The following CSMD3 variants were observed in gnomAD, a reference collection of about 807,000 sequenced individuals.
CSMD3 encodes the protein CUB and Sushi multiple domains 3.
In CSMD3, 177 loss-of-function variants were observed where a neutral mutation model predicts 435.2. That is an observed-to-expected ratio of 0.41 (90% CI 0.36 to 0.46). CSMD3 has a LOEUF of 0.46. Ranked by LOEUF, CSMD3 falls within the 20% of genes least tolerant of loss-of-function variation. The probability of loss-of-function intolerance (pLI) is 0.34; values close to 1 mark genes in which losing one functional copy is unlikely to be tolerated. For missense variants in CSMD3, 4,265 were observed against 4,504.6 expected, an observed-to-expected ratio of 0.95 and a Z score of 1.52; for synonymous variants, 1,656 against 1,520.5, an observed-to-expected ratio of 1.09 and a Z score of -2.07.
chr8:112,735,833 C>T (rs1205942249), intron 13 of CSMD3, among the ~76,000 whole-genome samples: 1 of 151,886 alleles, frequency 6.6e-6, no homozygotes, highest in Non-Finnish European at 1.5e-5. Flanking sequence ...TTTTTATTGA[C>T]TTATCAATCC....
At chr8:112,361,277 C>T (rs1586875955) in intron 38 of CSMD3, among the ~76,000 whole-genome samples, 2 of 150,934 alleles carry the variant, frequency 1.3e-5, no homozygotes, top group East Asian at 3.9e-4. Context: ...GCTGTTGTAG[C>T]CAAAAAAAAG....
At chr8:112,348,291 C>T (rs578170491) in intron 40 of CSMD3, among the ~76,000 whole-genome samples, 7 of 151,968 alleles carry the variant, frequency 4.6e-5, no homozygotes, top group Non-Finnish European at 8.8e-5. Context: ...TAGGGACAAC[C>T]ATACCTTAGT....
At chr8:112,527,318 T>A (rs1457606045) in intron 27 of CSMD3, among the ~76,000 whole-genome samples, 2 of 151,266 alleles carry the variant, frequency 1.3e-5, no homozygotes, top group Admixed American at 6.6e-5. Flanking sequence ...CAAGGAAAAT[T>A]ACCAGAGAAA....
intron 13 of CSMD3, among the ~76,000 whole-genome samples, chr8:112,780,085 A>G (rs1046532921): frequency 6.6e-6 from 1 of 152,088 alleles, no homozygotes; most frequent in Non-Finnish European, 1.5e-5. Flanking sequence ...AGGGGAAAAC[A>G]CATTCTTTTC....
intron 3 of CSMD3, among the ~76,000 whole-genome samples, chr8:113,195,779 A>G (rs1436881873): frequency 7.2e-6 from 1 of 139,276 alleles, no homozygotes; most frequent in Non-Finnish European, 1.5e-5. Context: ...TATAATATTC[A>G]TATCCTATAT....
At chr8:113,066,302 T>G (rs1467844805) in intron 5 of CSMD3, among the ~76,000 whole-genome samples, 12 of 151,906 alleles carry the variant, frequency 7.9e-5, no homozygotes, top group Non-Finnish European at 1.3e-4. Flanking sequence ...AGAAAAAGTG[T>G]TTTTGAATAT....
At chr8:112,525,750 A>G (rs1824828997) in intron 27 of CSMD3, among the ~76,000 whole-genome samples, 1 of 136,622 alleles carries the variant, frequency 7.3e-6, no homozygotes, top group Admixed American at 7.5e-5. Flanking sequence ...CCATATATAT[A>G]CATATATATA....
chr8:113,378,814 T>C (rs1033431346), intron 1 of CSMD3, among the ~76,000 whole-genome samples: 7 of 148,484 alleles, frequency 4.7e-5, no homozygotes, highest in African/African-American at 1.5e-4. Context: ...ATCTAGTGGA[T>C]AGAGGCTAGA....
intron 63 of CSMD3, among the ~76,000 whole-genome samples, chr8:112,247,410 T>C (rs1807050468): frequency 6.6e-6 from 1 of 152,032 alleles, no homozygotes; most frequent in African/African-American, 2.4e-5. Context: ...AGAAAATATT[T>C]AAGACACCAA....
intron 3 of CSMD3, among the ~76,000 whole-genome samples, chr8:113,204,795 G>A (rs1221346260): frequency 1.3e-5 from 2 of 152,032 alleles, no homozygotes; most frequent in African/African-American, 4.8e-5. Context: ...TGCTGTATTA[G>A]TCCATTTTCA....
At position 112,247,091 on chromosome 8, in the gene CSMD3, A is replaced by C. The variant is rs183906427; in HGVS notation, c.10151T>G (p.Leu3384Arg). 1 of 1,613,872 alleles carries C rather than the reference A, an allele frequency of 6.2e-7. No individual in the cohort carries two copies. Among genetic ancestry groups the C allele is most frequent in the Admixed American group, 1.7e-5 (1 of 59,970 alleles). ...GGTGCGTGTTGTAGACCCTTGGAGAAGGTGTCCTTTTTTGCAATGGAACTG... is the reference window on the plus strand; with the variant it reads ...GGTGCGTGTTGTAGACCCTTGGAGACGGTGTCCTTTTTTGCAATGGAACTG... Reference protein sequence around the residue: ...VVQFHCKKGHLLQGSTTRTCL... With the variant: ...VVQFHCKKGHRLQGSTTRTCL... The change falls in exon 64 of 71, where the codon CTT becomes CGT. Residue 3384 changes from leucine (L) to arginine (R), a missense_variant. Physicochemically the swap from Leu to Arg is moderately radical, Grantham distance 102. Around this residue, in one of 3 missense-constraint regions of CSMD3, gnomAD observed 3,255 missense variants for 3,380.2 expected, o/e 0.96. Transcript: ENST00000297405.
intron 35 of CSMD3, among the ~76,000 whole-genome samples, chr8:112,406,265 T>C (rs969767174): frequency 6.6e-6 from 1 of 152,170 alleles, no homozygotes; most frequent in African/African-American, 2.4e-5. Flanking sequence ...TATATTTACT[T>C]ACATCCACAT....
At chr8:112,816,130 T>C (rs900175414) in intron 12 of CSMD3, among the ~76,000 whole-genome samples, 1 of 152,296 alleles carries the variant, frequency 6.6e-6, no homozygotes. Context: ...ATACCCTTTC[T>C]GTTGACATGT....
rs1762322319 is a variant in CSMD3, at chr8:112,698,675, A to G, written c.1973-8625T>C. On this transcript the variant is annotated intron_variant, in intron 13 of 70. Transcript: ENST00000297405. ...TTCTGGTGCAATTTAACCATCAAAC[A>G]AAGATAATGGCAGAGTACAACACAT... Among the ~76,000 whole-genome samples, 3 of 152,194 alleles carry G rather than the reference A, an allele frequency of 2.0e-5. No homozygotes were observed. In the South Asian group the frequency reaches 6.2e-4, roughly 31 times the overall value.
chr8:112,568,434 A>C, intron 24 of CSMD3, among the ~76,000 whole-genome samples: 1 of 152,158 alleles, frequency 6.6e-6, no homozygotes, highest in Non-Finnish European at 1.5e-5. Context: ...CTCTATTAAA[A>C]ATACAAAAAA....
chr8:113,054,383 C>T (rs1423746793), intron 5 of CSMD3, among the ~76,000 whole-genome samples: 1 of 152,084 alleles, frequency 6.6e-6, no homozygotes, highest in Non-Finnish European at 1.5e-5. Flanking sequence ...ACGTGTTTTT[C>T]TCATGAATAT....
At chr8:112,730,505 T>C (rs1378226179) in intron 13 of CSMD3, among the ~76,000 whole-genome samples, 3 of 152,272 alleles carry the variant, frequency 2.0e-5, no homozygotes, top group South Asian at 4.1e-4. Context: ...TTTAGCTATA[T>C]AGCTTGCAGT....
In CSMD3 at chr8:113,173,750, C is replaced by G. The variant is rs764437033; in HGVS notation, c.681G>C (p.Ser227=). 2 of 1,613,482 alleles carry G rather than the reference C, an allele frequency of 1.2e-6. No individual in the cohort carries two copies. Among genetic ancestry groups the G allele is most frequent in the South Asian group, 1.1e-5 (1 of 91,076 alleles). The change falls in exon 4 of 71, where the codon TCG becomes TCC. Residue 227 remains serine (S), a synonymous_variant. Coordinates refer to ENST00000297405, the MANE Select transcript of CSMD3 (RefSeq NM_198123.2). ...TCIANSVNTA[S]WDFPVPICRA... Reference sequence around the variant, plus strand: ...TACAGATAGGAACAGGAAAATCCCACGAAGCTGTATTAACTGAATTGGCTA... The same window carrying G: ...TACAGATAGGAACAGGAAAATCCCAGGAAGCTGTATTAACTGAATTGGCTA...
intron 4 of CSMD3, among the ~76,000 whole-genome samples, 160 bp from the exon 5 acceptor site, chr8:113,099,123 A>G (rs1262564715): frequency 6.6e-6 from 1 of 151,994 alleles, no homozygotes; most frequent in African/African-American, 2.4e-5. Flanking sequence ...TGAGAATTTT[A>G]TGAAAAAATG....
Sources: allele counts gnomAD v4.1 joint callset (sites outside exome capture counted in the v4.1 genomes callset), GRCh38; gene constraint gnomAD v4.1.1; regional missense constraint gnomAD v4.1.1; transcripts MANE v1.5; gene names NCBI Gene and HGNC (gene_info 2026-07-23, HGNC 2026-07-21).